Variants in CTNNA3 observed in about 807,000 individuals in gnomAD.
CTNNA3 encodes catenin alpha 3.
Under a neutral mutation model 95.7 loss-of-function variants are expected in CTNNA3, and 76 were observed. That is an observed-to-expected ratio of 0.79 (90% confidence interval 0.66 to 0.96). The LOEUF (loss-of-function observed/expected upper bound fraction) is 0.96, where lower values mean the gene tolerates loss of function less well. Ranked by LOEUF, CTNNA3 falls within the 40% of genes least tolerant of loss-of-function variation. The probability of loss-of-function intolerance (pLI) is 0.00; values close to 1 mark genes in which losing one functional copy is unlikely to be tolerated. For missense variants in CTNNA3, 1,191 were observed against 1,089.8 expected (o/e 1.09, Z -1.31); for synonymous variants, 431 against 374.4 (o/e 1.15, Z -1.74).
At chr10:67,290,379 T>A (rs1839787021) in intron 5 of CTNNA3, among the ~76,000 whole-genome samples, 1 of 152,202 alleles carries the variant, frequency 6.6e-6, no homozygotes, top group African/African-American at 2.4e-5. Context: ...TCTTGTATTA[T>A]AGCCTAAAAG....
chr10:67,437,328 T>C (rs995866814), intron 5 of CTNNA3, among the ~76,000 whole-genome samples: 2 of 151,984 alleles, frequency 1.3e-5, no homozygotes, highest in Non-Finnish European at 2.9e-5. Flanking sequence ...AGAGGAAGAC[T>C]GGGAGTGGGG....
chr10:66,915,045 A>T (rs1479866776), intron 7 of CTNNA3, among the ~76,000 whole-genome samples: 3 of 152,158 alleles, frequency 2.0e-5, no homozygotes, highest in Non-Finnish European at 4.4e-5. Context: ...AATCCAGGAA[A>T]TCCAAAATTT....
intron 2 of CTNNA3, among the ~76,000 whole-genome samples, chr10:67,614,211 C>T (rs1295498605): frequency 6.6e-6 from 1 of 152,128 alleles, no homozygotes; most frequent in Non-Finnish European, 1.5e-5. Context: ...TAGCTAGCTG[C>T]AGAGCACTGA....
chr10:66,790,897 GC>G (rs947613680), intron 7 of CTNNA3, among the ~76,000 whole-genome samples: 5 of 152,056 alleles, frequency 3.3e-5, no homozygotes, highest in Non-Finnish European at 7.4e-5. Context: ...CCAGACTCCT[GC>G]TTATCCCTCC....
intron 5 of CTNNA3, among the ~76,000 whole-genome samples, chr10:67,424,670 T>C (rs1845854798): frequency 6.6e-6 from 1 of 152,016 alleles, no homozygotes. Context: ...ACAGAAAAAA[T>C]AGAATCATCA....
At chr10:67,715,830 A>G (rs982973988) in intron 1 of CTNNA3, among the ~76,000 whole-genome samples, 11 of 152,204 alleles carry the variant, frequency 7.2e-5, no homozygotes, top group African/African-American at 2.7e-4. Flanking sequence ...GCTGGGCTGT[A>G]TATTGCAAAC....
intron 10 of CTNNA3, among the ~76,000 whole-genome samples, chr10:66,613,777 T>C (rs1358428183): frequency 6.6e-6 from 1 of 152,070 alleles, no homozygotes; most frequent in Non-Finnish European, 1.5e-5. Context: ...TGAAAAGAAA[T>C]AAATTAGGCA....
intron 13 of CTNNA3, among the ~76,000 whole-genome samples, chr10:66,141,685 T>C (rs2083627595): frequency 6.6e-6 from 1 of 151,448 alleles, no homozygotes; most frequent in African/African-American, 2.4e-5. Context: ...TGATTTTATA[T>C]AAACGATAAA....
At chr10:67,609,561 G>C (rs1037697503) in intron 2 of CTNNA3, among the ~76,000 whole-genome samples, 1 of 152,018 alleles carries the variant, frequency 6.6e-6, no homozygotes, top group Non-Finnish European at 1.5e-5. Context: ...ATTCTAATTT[G>C]CTTTATTTCC....
At chr10:67,562,232 A>C (rs1186789465) in intron 3 of CTNNA3, among the ~76,000 whole-genome samples, 2 of 152,176 alleles carry the variant, frequency 1.3e-5, no homozygotes, top group South Asian at 2.1e-4. Flanking sequence ...TTGATACAAA[A>C]ATCCTCAGTA....
At chr10:67,699,157 T>C (rs1589574966), upstream of CTNNA3, among the ~76,000 whole-genome samples, 1 of 152,246 alleles carries the variant, frequency 6.6e-6, no homozygotes, top group East Asian at 1.9e-4. Context: ...TCACCCTTTC[T>C]CCAATGATCA....
intron 7 of CTNNA3, among the ~76,000 whole-genome samples, chr10:67,106,787 T>A (rs367764398): frequency 6.6e-6 from 1 of 152,190 alleles, no homozygotes. Context: ...TTTAAGGCTA[T>A]CACTGAAGAC....
chr10:66,566,688 C>A (rs2132150400), intron 10 of CTNNA3, among the ~76,000 whole-genome samples: 1 of 152,080 alleles, frequency 6.6e-6, no homozygotes, highest in African/African-American at 2.4e-5. Flanking sequence ...AAGAGGCAAC[C>A]CCTGCTACTA....
At chr10:66,938,646 C>T (rs1480459618) in intron 7 of CTNNA3, among the ~76,000 whole-genome samples, 1 of 152,012 alleles carries the variant, frequency 6.6e-6, no homozygotes, top group Non-Finnish European at 1.5e-5. Context: ...GCAGCTCAAA[C>T]CCATATTGTC....
At chr10:67,469,163 C>A (rs1847718447) in intron 5 of CTNNA3, among the ~76,000 whole-genome samples, 1 of 152,118 alleles carries the variant, frequency 6.6e-6, no homozygotes, top group Non-Finnish European at 1.5e-5. Flanking sequence ...CTTTAAAAAG[C>A]ACTGCATAAA....
At chr10:66,346,246 TAGAGAGAGAGAG>T (rs371257440) in intron 12 of CTNNA3, among the ~76,000 whole-genome samples, 10 of 27,766 alleles carry the variant, frequency 3.6e-4, no homozygotes, top group African/African-American at 5.3e-4. Flanking sequence ...TATATATATA[TAGAGAGAGAGAG>T]AGAGAGAGAG....
chr10:67,729,389 A>T (rs1841262267), intron 1 of CTNNA3, among the ~76,000 whole-genome samples: 1 of 152,112 alleles, frequency 6.6e-6, no homozygotes, highest in African/African-American at 2.4e-5. Context: ...GATTTTTCCT[A>T]CTCTCTAACC....
chr10:67,341,965 A>G (rs936344294), intron 5 of CTNNA3, among the ~76,000 whole-genome samples: 2 of 151,546 alleles, frequency 1.3e-5, no homozygotes, highest in Admixed American at 6.6e-5. Context: ...AGCACCTTCC[A>G]TATGCCTTTT....
intron 5 of CTNNA3, among the ~76,000 whole-genome samples, chr10:67,282,977 A>G (rs1839457929): frequency 6.6e-6 from 1 of 152,154 alleles, no homozygotes; most frequent in Admixed American, 6.5e-5. Flanking sequence ...GTCTATGTAA[A>G]AACAGGCCAT....
Sources: gnomAD v4.1 joint callset for allele counts (sites outside exome capture counted in the v4.1 genomes callset) on GRCh38, gnomAD v4.1.1 for gene constraint, MANE v1.5 for transcripts, NCBI Gene and HGNC (gene_info 2026-07-23, HGNC 2026-07-21) for gene names.